IGF2BP1: variants seen among roughly 807,000 people sequenced by gnomAD.
IGF2BP1 encodes the protein insulin-like growth factor 2 mRNA-binding protein 1.
Under a neutral mutation model 74.9 loss-of-function variants are expected in IGF2BP1, and 11 were observed. The observed-to-expected ratio is 0.15, with a 90% CI of 0.09 to 0.24. The LOEUF (loss-of-function observed/expected upper bound fraction) is 0.24, where lower values mean the gene tolerates loss of function less well. IGF2BP1 is among the 10% of genes least tolerant of loss of function. The probability of loss-of-function intolerance (pLI) is 1.00; values close to 1 mark genes in which losing one functional copy is unlikely to be tolerated. For synonymous variants in IGF2BP1, 287 were observed against 281.8 expected, an observed-to-expected ratio of 1.02 and a Z score of -0.18; for missense variants, 440 against 757.4, an observed-to-expected ratio of 0.58 and a Z score of 4.92.
At chr17:49,010,044 C>T (rs1237030540) in intron 2 of IGF2BP1, among the ~76,000 whole-genome samples, 6 of 152,186 alleles carry the variant, frequency 3.9e-5, no homozygotes, top group Non-Finnish European at 7.3e-5. Context: ...TGCGCCACTG[C>T]ACTCCAGCCT....
intron 2 of IGF2BP1, among the ~76,000 whole-genome samples, chr17:49,011,021 C>T (rs898264214): frequency 2.6e-5 from 4 of 151,294 alleles, no homozygotes; most frequent in Non-Finnish European, 4.4e-5. Flanking sequence ...CCTGTAATCC[C>T]AGCTTCTCGG....
At chr17:49,007,897 C>T (rs527455834) in intron 2 of IGF2BP1, among the ~76,000 whole-genome samples, 1 of 152,290 alleles carries the variant, frequency 6.6e-6, no homozygotes, top group Admixed American at 6.5e-5. Flanking sequence ...GCAGGCCAGG[C>T]GCAGTGGCTC....
chr17:49,015,000 G>T (rs1179839111), intron 2 of IGF2BP1: 2 of 950,748 alleles, frequency 2.1e-6, no homozygotes, highest in Non-Finnish European at 2.5e-6. Context: ...CTCCATCCTC[G>T]GCCGGGCCTC....
At chr17:49,018,793 A>G (rs1243508544) in intron 2 of IGF2BP1, among the ~76,000 whole-genome samples, 1 of 152,138 alleles carries the variant, frequency 6.6e-6, no homozygotes, top group African/African-American at 2.4e-5. Context: ...AAGATGGACT[A>G]ACCCTACTCC....
intron 10 of IGF2BP1, 119 bp downstream of exon 10, chr17:49,043,669 G>C: frequency 1.2e-5 from 14 of 1,196,900 alleles, no homozygotes; most frequent in Non-Finnish European, 1.6e-5. Context: ...GGGAAGGAAG[G>C]TCTCAGAGGC....
rs984538656 is a variant in IGF2BP1, at chr17:49,040,532, C to T, written c.818+441C>T. ...ACACCCCATCCCTTCTTATTCCTGTCGTATGACCTCCTAGAAATTCTGTGC... is the reference window on the plus strand; with the variant it reads ...ACACCCCATCCCTTCTTATTCCTGTTGTATGACCTCCTAGAAATTCTGTGC... On this transcript the variant is annotated intron_variant, in intron 7 of 14. Transcript: ENST00000290341. 4.6e-5 allele frequency among the ~76,000 whole-genome samples: 7 copies of T among 152,150 alleles called. No individual in the cohort carries two copies. In the South Asian group the frequency reaches 8.3e-4, roughly 18 times the overall value.
intron 2 of IGF2BP1, among the ~76,000 whole-genome samples, chr17:49,016,791 C>T (rs2041709496): frequency 8.3e-6 from 1 of 120,778 alleles, no homozygotes. Flanking sequence ...GCCCGCCAGC[C>T]CGCCCGCCCG....
intron 2 of IGF2BP1, among the ~76,000 whole-genome samples, chr17:49,016,808 T>TGTCCTCCTGCCCCCCC (rs1476905777): frequency 1.3e-4 from 1 of 7,702 alleles, no homozygotes; most frequent in Non-Finnish European, 2.6e-4. Flanking sequence ...CCCGCCCCCC[T>TGTCCTCCTGCCCCCCC]GTCCTCCTGC....
intron 2 of IGF2BP1, among the ~76,000 whole-genome samples, chr17:49,022,909 C>A (rs1391519613): frequency 1.3e-5 from 2 of 152,264 alleles, no homozygotes; most frequent in Non-Finnish European, 2.9e-5. Flanking sequence ...CCACCCCCAC[C>A]TCTCTGCCCT....
intron 2 of IGF2BP1, among the ~76,000 whole-genome samples, chr17:49,008,926 T>G (rs1399543110): frequency 6.6e-6 from 1 of 152,026 alleles, no homozygotes; most frequent in Admixed American, 6.6e-5. Flanking sequence ...AGTAAGAGTC[T>G]ACTATTGCAT....
chr17:49,005,651 C>T (rs2041543171), intron 2 of IGF2BP1, among the ~76,000 whole-genome samples: 1 of 152,160 alleles, frequency 6.6e-6, no homozygotes, highest in Admixed American at 6.6e-5. Context: ...TCCCTTTCTA[C>T]CATGTCTGGT....
At chr17:49,045,794 G>C (rs1309022088) in intron 12 of IGF2BP1, 96 bp from the exon 13 acceptor site, 1 of 1,368,784 alleles carries the variant, frequency 7.3e-7, no homozygotes, top group Admixed American at 2.1e-5. Flanking sequence ...GAGGGCCTGT[G>C]GGCCAGAAAA....
intron 2 of IGF2BP1, among the ~76,000 whole-genome samples, chr17:49,009,960 A>T (rs996429114): frequency 9.9e-5 from 15 of 151,732 alleles, no homozygotes; most frequent in Admixed American, 5.3e-4. Flanking sequence ...TGCGCCTGTA[A>T]TCCTAGCTAC....
Position 49,037,964 on chromosome 17 carries a change from A to G in IGF2BP1, c.402-204A>G, listed in dbSNP as rs371865705. Among the ~76,000 whole-genome samples, 17 of 152,340 alleles carry G rather than the reference A, an allele frequency of 1.1e-4. No homozygotes were observed. The East Asian group carries it at 1.7e-3, about 16-fold the overall frequency. ...CCAACTAAGTGTTAGGGAACACTGT[A>G]TTTATTTACTTTTCCTTTGAAGTCT... On this transcript the variant is annotated intron_variant, in intron 5 of 14. Transcript: ENST00000290341.
chr17:49,044,854 G>C, intron 11 of IGF2BP1, 137 bp from the exon 12 acceptor site: 1 of 707,902 alleles, frequency 1.4e-6, no homozygotes. Context: ...TGGGCTTCAG[G>C]GTCTTTGTTC....
Position 49,051,773 on chromosome 17 carries a change from G to C in IGF2BP1, c.*2329G>C, listed in dbSNP as rs1218714965. 2.0e-5 allele frequency: 3 copies of C among 151,852 alleles called. No individual in the cohort carries two copies. Among genetic ancestry groups the C allele is most frequent in the Admixed American group, 6.6e-5 (1 of 15,244 alleles). The allele number at this position is 151,852 out of a possible 1,614,324, so 9.4% of individuals were successfully genotyped here. ...GCTGAGATTCCGTTCGTGGAAAAAA[G>C]ACAAGGCCACCCTCTCGCCCTCAGA... On this transcript the variant is annotated 3_prime_UTR_variant, in exon 15 of 15. Coordinates refer to ENST00000290341, the MANE Select transcript of IGF2BP1 (RefSeq NM_006546.4).
At chr17:49,003,712 G>A (rs2041511194) in intron 2 of IGF2BP1, among the ~76,000 whole-genome samples, 1 of 146,682 alleles carries the variant, frequency 6.8e-6, no homozygotes, top group South Asian at 2.2e-4. Flanking sequence ...AAAAGGGGAG[G>A]AAAAAAGCAG....
At chr17:49,014,675 G>A (rs1369423920) in intron 2 of IGF2BP1, 25 of 670,980 alleles carry the variant, frequency 3.7e-5, no homozygotes, top group Non-Finnish European at 4.4e-5. Context: ...TTGGCAGCTA[G>A]GGGGAGACGC....
In IGF2BP1 at chr17:48,997,522, G is replaced by A; in HGVS notation, c.-224G>A. 2.0e-6 allele frequency: 1 copy of A among 512,102 alleles called. No individual in the cohort carries two copies. Among genetic ancestry groups the A allele is most frequent in the Non-Finnish European group, 3.4e-6 (1 of 290,784 alleles). 31.7% of individuals were successfully genotyped at this position (512,102 alleles called of 1,614,324 possible). A position where few individuals can be genotyped will look rare whatever the true frequency, so the allele number is the denominator to read the frequency against. The stretch of plus-strand genomic sequence containing the variant: ...CGCCGTGTCGTCCGTCTCCCTGCGC[G>A]CCGCGGGCACTTCTCCTGGGCTCTC... On this transcript the variant is annotated 5_prime_UTR_variant, in exon 1 of 15. Transcript: ENST00000290341. The surrounding 1 kb of genome is among the most constrained non-coding windows in gnomAD (Gnocchi z 4.8).
Sources: gnomAD v4.1 joint callset for allele counts (sites outside exome capture counted in the v4.1 genomes callset) on GRCh38, gnomAD v4.1.1 for gene constraint, Gnocchi (gnomAD v3.1) non-coding constraint, MANE v1.5 for transcripts, NCBI Gene and HGNC (gene_info 2026-07-23, HGNC 2026-07-21) for gene names.